The following GON4L variants were observed in gnomAD, a reference collection of about 807,000 sequenced individuals.
GON4L encodes the protein GON-4-like protein.
Under a neutral mutation model 211.8 loss-of-function variants are expected in GON4L, and 87 were observed. The observed-to-expected ratio is 0.41, with a 90% CI of 0.35 to 0.49. GON4L has a LOEUF of 0.49. GON4L is among the 20% of genes least tolerant of loss of function. GON4L has a pLI of 0.15. For missense variants in GON4L, 2,155 were observed against 2,659.5 expected (o/e 0.81, Z 4.17); for synonymous variants, 875 against 962.6 (o/e 0.91, Z 1.68).
chr1:155,771,706 G>A (rs1480351962), intron 18 of GON4L, among the ~76,000 whole-genome samples: 1 of 151,562 alleles, frequency 6.6e-6, no homozygotes, highest in African/African-American at 2.4e-5. Context: ...TTAAACTCCT[G>A]GCCTCAAGCG....
chr1:155,806,943 CA>C (rs1178775436), intron 10 of GON4L, among the ~76,000 whole-genome samples: 1 of 151,938 alleles, frequency 6.6e-6, no homozygotes, highest in African/African-American at 2.4e-5. Flanking sequence ...CTGCCACAAA[CA>C]AACAAATTAG....
Position 155,814,421 on chromosome 1 carries a change from GT to G in GON4L, c.1189del (p.Thr397LeufsTer13), listed in dbSNP as rs1158639193. Reference protein sequence around the residue: ...ESLLESDVESTASSPRGAKKS... With the variant: ...ESLLESDVESXASSPRGAKKS... ...CTTTGCCCCACGTGGAGATGAAGCA[GT>G]GCTTTCAACATCACTTTCCAATAAG... On this transcript the variant is annotated frameshift_variant, in exon 9 of 32. Coordinates refer to ENST00000368331, the MANE Select transcript of GON4L (RefSeq NM_001282860.2). LOFTEE classifies it high-confidence loss of function. The G allele has an allele frequency of 6.2e-7, 1 of 1,613,640 alleles. No individual in the cohort carries two copies. Among genetic ancestry groups the G allele is most frequent in the East Asian group, 2.2e-5 (1 of 44,876 alleles).
chr1:155,850,425 C>G (rs1671667027), intron 2 of GON4L, among the ~76,000 whole-genome samples: 1 of 152,218 alleles, frequency 6.6e-6, no homozygotes, highest in African/African-American at 2.4e-5. Context: ...GTGAATGAGG[C>G]TGAAAATTTA....
At chr1:155,837,660 A>G (rs1440091207) in intron 2 of GON4L, among the ~76,000 whole-genome samples, 1 of 151,562 alleles carries the variant, frequency 6.6e-6, no homozygotes, top group Non-Finnish European at 1.5e-5. Flanking sequence ...AGGGAAAGGT[A>G]CCCCTCATCC....
chr1:155,817,271 G>C (rs1233715772), intron 6 of GON4L, among the ~76,000 whole-genome samples: 1 of 152,098 alleles, frequency 6.6e-6, no homozygotes, highest in African/African-American at 2.4e-5. Flanking sequence ...TGGGATTATA[G>C]GTGTGAGCCA....
At chr1:155,820,866 C>A (rs1668669340) in intron 5 of GON4L, among the ~76,000 whole-genome samples, 1 of 152,156 alleles carries the variant, frequency 6.6e-6, no homozygotes, top group Non-Finnish European at 1.5e-5. Flanking sequence ...TTCCTGTAGT[C>A]CCAGCTACTC....
Position 155,775,032 on chromosome 1 carries a change from A to G in GON4L, c.2320T>C (p.Cys774Arg), listed in dbSNP as rs1663635378. 5.0e-6 allele frequency: 8 copies of G among 1,613,174 alleles called. No homozygotes were observed. The highest frequency in any genetic ancestry group is 6.8e-6 in the Non-Finnish European group (8 of 1,179,252). The change falls in exon 17 of 32, where the codon TGC (cysteine) becomes CGC (arginine). Residue 774 changes from cysteine (C) to arginine (R), a missense_variant. Cys to Arg is a radical substitution (Grantham distance 180). Transcript: ENST00000368331. ...EDFSTHVSID[C>R]SPHKTVKKTA... ...TTCTTGACAGTTTTATGAGGGCTGC[A>G]GTCAATGCTGACATGTGTGCTGAAG...
chr1:155,767,111 T>TA, intron 20 of GON4L: 2 of 648,048 alleles, frequency 3.1e-6, no homozygotes, highest in South Asian at 4.1e-5. Context: ...TTAGAGACCT[T>TA]AGACAGTCTC....
intron 14 of GON4L, among the ~76,000 whole-genome samples, chr1:155,778,315 G>A (rs1271393149): frequency 6.6e-6 from 1 of 151,996 alleles, no homozygotes; most frequent in African/African-American, 2.4e-5. Flanking sequence ...GCAGTGGCAC[G>A]ATCTCAGCTC....
chr1:155,801,863 A>T (rs554374952), intron 11 of GON4L, among the ~76,000 whole-genome samples: 1 of 152,118 alleles, frequency 6.6e-6, no homozygotes, highest in African/African-American at 2.4e-5. Flanking sequence ...AGTCTGGGCG[A>T]CAGAGCGAGA....
At chr1:155,824,434 CAAAAAAAAA>C (rs769823401) in intron 3 of GON4L, among the ~76,000 whole-genome samples, 1 of 7,418 alleles carries the variant, frequency 1.3e-4, no homozygotes, top group Non-Finnish European at 2.6e-4. Flanking sequence ...AACTCCACAT[CAAAAAAAAA>C]AAAAAAAAAA....
intron 18 of GON4L, among the ~76,000 whole-genome samples, 155 bp downstream of exon 18, chr1:155,772,911 G>A (rs562292040): frequency 7.9e-5 from 12 of 152,270 alleles, no homozygotes; most frequent in African/African-American, 2.6e-4. Flanking sequence ...GAACAAGCAC[G>A]TCCTAGAGGG....
intron 2 of GON4L, among the ~76,000 whole-genome samples, chr1:155,852,915 C>T (rs1671942148): frequency 3.3e-5 from 5 of 152,238 alleles, no homozygotes. Context: ...GAGTTCGAGA[C>T]CAGCTTGACC....
intron 11 of GON4L, among the ~76,000 whole-genome samples, chr1:155,795,731 C>T (rs1396611837): frequency 6.6e-6 from 1 of 152,118 alleles, no homozygotes; most frequent in African/African-American, 2.4e-5. Context: ...CCTTGACTGC[C>T]CAGGATCAGG....
intron 6 of GON4L, among the ~76,000 whole-genome samples, chr1:155,820,078 T>A (rs2102242136): frequency 6.6e-6 from 1 of 152,256 alleles, no homozygotes; most frequent in South Asian, 2.1e-4. Flanking sequence ...CACACCCAGC[T>A]AATTTTTGTA....
At chr1:155,766,857 C>A in intron 20 of GON4L, 148 bp from the exon 21 acceptor site, 1 of 1,257,000 alleles carries the variant, frequency 8.0e-7, no homozygotes, top group Non-Finnish European at 1.1e-6. Flanking sequence ...ATGAGCCTGA[C>A]CAACACGGTG....
In GON4L at chr1:155,757,010, G is replaced by A. The variant is rs376378515; in HGVS notation, c.5465C>T (p.Thr1822Ile). The change falls in exon 27 of 32, where the codon ACA becomes ATA. Residue 1822 changes from threonine (T) to isoleucine (I), a missense_variant. Thr to Ile is a moderately conservative substitution (Grantham distance 89, BLOSUM62 -1). Transcript: ENST00000368331. ...EEEEEPPKIPTASKNKRKKEI... is the reference protein window; with the variant it reads ...EEEEEPPKIPIASKNKRKKEI... ...TTTTTTCCTCTTGTTCTTTGAGGCT[G>A]TGGGTATCTTGGGAGGCTCCTCCTC... The A allele has an allele frequency of 1.4e-5, 23 of 1,613,678 alleles. No homozygotes were observed. In the African/African-American group the frequency reaches 3.1e-4, roughly 22 times the overall value.
Position 155,820,943 on chromosome 1 carries a change from C to G in GON4L, c.964-287G>C, listed in dbSNP as rs146573063. Among the ~76,000 whole-genome samples, 715 of 152,148 alleles carry G rather than the reference C, an allele frequency of 4.7e-3. 5 individuals carry two copies. The highest frequency in any genetic ancestry group is 0.027 in the Middle Eastern group (8 of 294). On this transcript the variant is annotated intron_variant, in intron 5 of 31. Coordinates refer to ENST00000368331, the MANE Select transcript of GON4L (RefSeq NM_001282860.2). ...TTTGAGTCCAGCCTTGGTGACAGAG[C>G]AAGACCCTGTCTCTAAAAAAATAAT...
chr1:155,809,280 A>C (rs1218458641), intron 10 of GON4L, among the ~76,000 whole-genome samples: 1 of 152,120 alleles, frequency 6.6e-6, no homozygotes, highest in East Asian at 1.9e-4. Flanking sequence ...ATAGCACTTA[A>C]CCACATCCGA....
Sources: allele counts gnomAD v4.1 joint callset (sites outside exome capture counted in the v4.1 genomes callset), GRCh38; gene constraint gnomAD v4.1.1; transcripts MANE v1.5; gene names NCBI Gene and HGNC (gene_info 2026-07-23, HGNC 2026-07-21).